Variants in SMYD3 observed in about 807,000 individuals in gnomAD.
SMYD3 encodes the protein SET and MYND domain containing 3.
In SMYD3, 36 loss-of-function variants were observed where a neutral mutation model predicts 57.7. That is an observed-to-expected ratio of 0.62 (90% CI 0.48 to 0.82). The LOEUF is 0.82. Among genes scored for constraint, SMYD3 ranks in the 40% least tolerant of loss-of-function variants. The pLI is 0.00. For synonymous variants in SMYD3, 211 were observed against 195.0 expected, an observed-to-expected ratio of 1.08 and a Z score of -0.68; for missense variants, 515 against 538.8, an observed-to-expected ratio of 0.96 and a Z score of 0.44.
chr1:246,289,303 A>G (rs1408368620), intron 5 of SMYD3, among the ~76,000 whole-genome samples: 1 of 152,184 alleles, frequency 6.6e-6, no homozygotes, highest in Non-Finnish European at 1.5e-5. Context: ...TTGCTGTTAG[A>G]GCACAGATAG....
At chr1:246,316,245 A>T (rs1027939138) in intron 5 of SMYD3, among the ~76,000 whole-genome samples, 3 of 152,166 alleles carry the variant, frequency 2.0e-5, no homozygotes, top group Admixed American at 2.0e-4. Context: ...AAGAACCAAA[A>T]GCATGATAGC....
chr1:245,991,669 A>G (rs1427203220), intron 5 of SMYD3, among the ~76,000 whole-genome samples: 2 of 152,238 alleles, frequency 1.3e-5, no homozygotes, highest in South Asian at 2.1e-4. Flanking sequence ...AGCTGCTACA[A>G]GAAGGCAGGT....
At chr1:246,025,445 C>T (rs138106010) in intron 5 of SMYD3, among the ~76,000 whole-genome samples, 1 of 152,300 alleles carries the variant, frequency 6.6e-6, no homozygotes, top group African/African-American at 2.4e-5. Flanking sequence ...ACAAAGACGT[C>T]TCACATCCCT....
chr1:246,425,334 T>C (rs901169242), intron 1 of SMYD3, among the ~76,000 whole-genome samples: 12 of 152,196 alleles, frequency 7.9e-5, no homozygotes, highest in Admixed American at 7.2e-4. Context: ...CCAACCTAGA[T>C]AACAAAGACC....
chr1:246,503,935 C>T (rs545687739), intron 1 of SMYD3, among the ~76,000 whole-genome samples: 395 of 121,934 alleles, frequency 3.2e-3, no homozygotes, highest in Middle Eastern at 0.024. Context: ...GCCTGGGCAA[C>T]AAGAGCAAAA....
At chr1:246,498,730 C>CA (rs1247516323) in intron 1 of SMYD3, among the ~76,000 whole-genome samples, 15,622 of 67,878 alleles carry the variant, frequency 0.23, 1,520 homozygotes, top group African/African-American at 0.37. Context: ...GACTCCGTCT[C>CA]AAAAAAAAAA....
intron 5 of SMYD3, among the ~76,000 whole-genome samples, chr1:246,055,063 C>CT (rs1193980206): frequency 6.6e-6 from 1 of 151,906 alleles, no homozygotes; most frequent in African/African-American, 2.4e-5. Context: ...GTAGTCCCAG[C>CT]TACTCAGTAG....
At chr1:246,232,383 G>A (rs1336556076) in intron 5 of SMYD3, among the ~76,000 whole-genome samples, 1 of 151,998 alleles carries the variant, frequency 6.6e-6, no homozygotes, top group Non-Finnish European at 1.5e-5. Context: ...TCAATGAGGT[G>A]GGAAACAGTG....
intron 5 of SMYD3, among the ~76,000 whole-genome samples, chr1:246,112,128 T>A (rs2061254680): frequency 6.6e-6 from 1 of 152,206 alleles, no homozygotes; most frequent in Non-Finnish European, 1.5e-5. Context: ...ACCTTCTTCA[T>A]GCTGAAGTCT....
chr1:245,797,557 G>C (rs368487543), intron 10 of SMYD3, among the ~76,000 whole-genome samples: 2 of 151,226 alleles, frequency 1.3e-5, no homozygotes, highest in Non-Finnish European at 1.5e-5. Context: ...GATAGCATTA[G>C]GAGATATACC....
At chr1:246,294,848 C>T (rs1248424734) in intron 5 of SMYD3, among the ~76,000 whole-genome samples, 1 of 152,206 alleles carries the variant, frequency 6.6e-6, no homozygotes, top group Admixed American at 6.5e-5. Flanking sequence ...ATCTGCCCAC[C>T]TCAGCCTCCC....
chr1:245,932,462 C>A (rs1050184626), intron 5 of SMYD3, among the ~76,000 whole-genome samples: 1 of 152,186 alleles, frequency 6.6e-6, no homozygotes, highest in Non-Finnish European at 1.5e-5. Flanking sequence ...TCATACACAA[C>A]TGGATCGTAA....
intron 10 of SMYD3, among the ~76,000 whole-genome samples, chr1:245,790,247 C>A (rs1000216179): frequency 6.6e-6 from 1 of 152,120 alleles, no homozygotes; most frequent in Admixed American, 6.5e-5. Flanking sequence ...CCCAGGGGCA[C>A]AAAACAGCAA....
intron 11 of SMYD3, among the ~76,000 whole-genome samples, chr1:245,750,918 C>T (rs1233650178): frequency 1.3e-5 from 2 of 152,064 alleles, no homozygotes; most frequent in African/African-American, 4.8e-5. Flanking sequence ...AAAGAGACAC[C>T]GAGGGCCAGA....
At chr1:245,755,929 A>G (rs2045585990) in intron 11 of SMYD3, among the ~76,000 whole-genome samples, 1 of 151,784 alleles carries the variant, frequency 6.6e-6, no homozygotes, top group African/African-American at 2.4e-5. Flanking sequence ...TTATTAATAC[A>G]TCAGGGCTTA....
chr1:246,033,434 C>T (rs943282878), intron 5 of SMYD3, among the ~76,000 whole-genome samples: 8 of 152,112 alleles, frequency 5.3e-5, no homozygotes, highest in African/African-American at 9.7e-5. Context: ...AAAAGGGCAA[C>T]GTGAGGAATT....
chr1:246,392,964 G>A (rs1321268469), intron 1 of SMYD3, among the ~76,000 whole-genome samples: 1 of 152,130 alleles, frequency 6.6e-6, no homozygotes, highest in African/African-American at 2.4e-5. Flanking sequence ...CTAGAAGGCT[G>A]TAGTTTAAAA....
chr1:245,826,899 A>C (rs2049532919), intron 10 of SMYD3, among the ~76,000 whole-genome samples: 1 of 152,200 alleles, frequency 6.6e-6, no homozygotes, highest in Non-Finnish European at 1.5e-5. Context: ...AACTGCCCCC[A>C]TGATCCAACT....
Position 246,111,758 on chromosome 1 carries a change from A to G in SMYD3, c.532-181821T>C, listed in dbSNP as rs539628839. On this transcript the variant is annotated intron_variant, in intron 5 of 11. Coordinates refer to ENST00000490107, the MANE Select transcript of SMYD3 (RefSeq NM_001167740.2). The stretch of plus-strand genomic sequence containing the variant: ...CATAATGACAGCTATCTGGAGTGGA[A>G]CAGTGACACTGCTTTTTCCCAGACT... Among the ~76,000 whole-genome samples, 4 of 152,326 alleles carry G rather than the reference A, an allele frequency of 2.6e-5. No individual in the cohort carries two copies. The South Asian group carries it at 8.3e-4, about 32-fold the overall frequency.
Sources: gnomAD v4.1 joint callset for allele counts (sites outside exome capture counted in the v4.1 genomes callset) on GRCh38, gnomAD v4.1.1 for gene constraint, MANE v1.5 for transcripts, NCBI Gene and HGNC (gene_info 2026-07-23, HGNC 2026-07-21) for gene names.